Variants in EBLN2 observed in about 807,000 individuals in gnomAD.
The protein encoded by EBLN2 is endogenous Bornavirus like nucleoprotein 2, also known as endogenous Bornavirus-like nucleoprotein 2.
For synonymous variants in EBLN2, 131 were observed against 113.6 expected (o/e 1.15, Z -0.97); for missense variants, 397 against 324.2 (o/e 1.22, Z -1.72).
In EBLN2 at chr3:73,063,206, C is replaced by T; in HGVS notation, c.*306C>T. On this transcript the variant is annotated 3_prime_UTR_variant, in exon 1 of 1. Transcript: ENST00000533473. ...GCTCCTGATGTTATACCAGGATCAACCATCACACTCCCTTTGCTTCAAATG... is the reference window on the plus strand; with the variant it reads ...GCTCCTGATGTTATACCAGGATCAATCATCACACTCCCTTTGCTTCAAATG... 7.9e-6 allele frequency: 3 copies of T among 379,490 alleles called. No homozygotes were observed. Among genetic ancestry groups the T allele is most frequent in the South Asian group, 6.0e-5 (2 of 33,230 alleles). The allele number at this position is 379,490 out of a possible 1,614,324, so 23.5% of individuals were successfully genotyped here. A position where few individuals can be genotyped will look rare whatever the true frequency, so the allele number is the denominator to read the frequency against.
At position 73,063,185 on chromosome 3, in the gene EBLN2, C is replaced by T. The variant is rs1702907120; in HGVS notation, c.*285C>T. 1 of 428,330 alleles carries T rather than the reference C, an allele frequency of 2.3e-6. No homozygotes were observed. Among genetic ancestry groups the T allele is most frequent in the African/African-American group, 2.1e-5 (1 of 47,732 alleles). 26.5% of individuals were successfully genotyped at this position (428,330 alleles called of 1,614,324 possible). On this transcript the variant is annotated 3_prime_UTR_variant, in exon 1 of 1. Coordinates refer to ENST00000533473, the MANE Select transcript of EBLN2 (RefSeq NM_018029.4). ...CCCACATTTTTGGGATTTAAAGCTC[C>T]TGATGTTATACCAGGATCAACCATC...
Position 73,062,558 on chromosome 3 carries a change from A to G in EBLN2, c.477A>G (p.Glu159=). The stretch of plus-strand genomic sequence containing the variant: ...CTGTGGTTGGGAATGAGAACGAGGA[A>G]AGGGGTACTCCTTATGCTAGCAGAT... ...SNTVVGNENE[E]RGTPYASRFK... is the part of the protein sequence containing the mutation. Residue 159 remains glutamate, a synonymous_variant, in exon 1 of 1, where the codon GAA becomes GAG. Coordinates refer to ENST00000533473, the MANE Select transcript of EBLN2 (RefSeq NM_018029.4). The G allele has an allele frequency of 6.2e-7, 1 of 1,613,972 alleles. No homozygotes were observed. The highest frequency in any genetic ancestry group is 1.1e-5 in the South Asian group (1 of 91,080).
At position 73,063,111 on chromosome 3, in the gene EBLN2, G is replaced by A; in HGVS notation, c.*211G>A. On this transcript the variant is annotated 3_prime_UTR_variant, in exon 1 of 1. Transcript: ENST00000533473. The stretch of plus-strand genomic sequence containing the variant: ...TTATTGGGGAGCTGTCACCACGAAT[G>A]TTCCCAAACTTAGCAACAGCGGCAA... 1 of 554,060 alleles carries A rather than the reference G, an allele frequency of 1.8e-6. No homozygotes were observed. Among genetic ancestry groups the A allele is most frequent in the Non-Finnish European group, 3.2e-6 (1 of 310,520 alleles). 34.3% of individuals were successfully genotyped at this position (554,060 alleles called of 1,614,324 possible).
Position 73,062,776 on chromosome 3 carries a change from T to A in EBLN2, c.695T>A (p.Ile232Asn). Residue 232 changes from isoleucine to asparagine, a missense_variant, in exon 1 of 1, where the codon ATC (isoleucine) becomes AAC (asparagine). Transcript: ENST00000533473. ...LSHGESADLL[I>N]SCNAESAIGW... is the part of the protein sequence containing the mutation. ...CATGGTGAGAGTGCTGATCTGCTAA[T>A]CAGCTGCAATGCAGAATCAGCCATA... The A allele has an allele frequency of 6.2e-7, 1 of 1,613,934 alleles. No individual in the cohort carries two copies. The highest frequency in any genetic ancestry group is 8.5e-7 in the Non-Finnish European group (1 of 1,179,866).
Position 73,062,086 on chromosome 3 carries a change from G to A in EBLN2, c.5G>A (p.Gly2Asp), listed in dbSNP as rs1702872047. 6.5e-7 allele frequency: 1 copy of A among 1,537,176 alleles called. No individual in the cohort carries two copies. Among genetic ancestry groups the A allele is most frequent in the East Asian group, 2.4e-5 (1 of 40,916 alleles). The part of the protein sequence containing the change: M[G>D]YFLKLYAYVN... Reference sequence around the variant, plus strand: ...GTCAAGTCATAGCGACTAATAATGGGTTATTTTCTTAAATTGTATGCTTAT... The same window carrying A: ...GTCAAGTCATAGCGACTAATAATGGATTATTTTCTTAAATTGTATGCTTAT... Residue 2 changes from glycine to aspartate, a missense_variant, in exon 1 of 1, where the codon GGT becomes GAT. Physicochemically the swap from Gly to Asp is moderately conservative, Grantham distance 94. Coordinates refer to ENST00000533473, the MANE Select transcript of EBLN2 (RefSeq NM_018029.4).
chr3:73,062,579 C>G lies in EBLN2; in HGVS notation c.498C>G (p.Ser166Arg), dbSNP rs775650243. Residue 166 changes from serine (S) to arginine (R), a missense_variant, in exon 1 of 1, where the codon AGC becomes AGG. By Grantham distance (110) the Ser-to-Arg change is moderately radical. Transcript: ENST00000533473. Reference sequence around the variant, plus strand: ...AGGAAAGGGGTACTCCTTATGCTAGCAGATTCAAAGATATGCCTAACTTTA... The same window carrying G: ...AGGAAAGGGGTACTCCTTATGCTAGGAGATTCAAAGATATGCCTAACTTTA... ...ENEERGTPYA[S>R]RFKDMPNFIA... 3 of 1,613,984 alleles carry G rather than the reference C, an allele frequency of 1.9e-6. No homozygotes were observed. In the East Asian group the frequency reaches 6.7e-5, roughly 36 times the overall value.
rs1437910070 is a variant in EBLN2, at chr3:73,062,445, G to C, written c.364G>C (p.Val122Leu). Residue 122 changes from valine (V) to leucine (L), a missense_variant, in exon 1 of 1, where the codon GTG becomes CTG. Physicochemically the swap from Val to Leu is conservative, Grantham distance 32 (BLOSUM62 1). Coordinates refer to ENST00000533473, the MANE Select transcript of EBLN2 (RefSeq NM_018029.4). ...DPAHKSHFHP[V>L]TPSLVFLCFI... ...AGCACATAAATCTCATTTCCACCCT[G>C]TGACCCCAAGTTTAGTATTCTTGTG... The C allele has an allele frequency of 6.2e-7, 1 of 1,611,992 alleles. No homozygotes were observed. The highest frequency in any genetic ancestry group is 1.3e-5 in the African/African-American group (1 of 74,980).
In EBLN2 at chr3:73,062,157, A is replaced by G. The variant is rs1702873873; in HGVS notation, c.76A>G (p.Lys26Glu). ...LFVWVCDRSY[K>E]RSFRPMILNK... Reference sequence around the variant, plus strand: ...TGTTTGGGTCTGTGACAGATCTTACAAAAGATCTTTTAGACCTATGATTCT... The same window carrying G: ...TGTTTGGGTCTGTGACAGATCTTACGAAAGATCTTTTAGACCTATGATTCT... The change falls in exon 1 of 1, where the codon AAA (lysine) becomes GAA (glutamate). Residue 26 changes from lysine to glutamate, a missense_variant. By Grantham distance (56) the Lys-to-Glu change is moderately conservative. Coordinates refer to ENST00000533473, the MANE Select transcript of EBLN2 (RefSeq NM_018029.4). 1 of 1,549,042 alleles carries G rather than the reference A, an allele frequency of 6.5e-7. No homozygotes were observed. The highest frequency in any genetic ancestry group is 8.7e-7 in the Non-Finnish European group (1 of 1,149,436).
Position 73,062,575 on chromosome 3 carries a change from C to T in EBLN2, c.494C>T (p.Ala165Val). 1 of 1,614,012 alleles carries T rather than the reference C, an allele frequency of 6.2e-7. No individual in the cohort carries two copies. Among genetic ancestry groups the T allele is most frequent in the African/African-American group, 1.3e-5 (1 of 75,062 alleles). ...NENEERGTPY[A>V]SRFKDMPNFI... ...AACGAGGAAAGGGGTACTCCTTATG[C>T]TAGCAGATTCAAAGATATGCCTAAC... is the stretch of plus-strand genomic sequence containing the variant. Residue 165 changes from alanine (A) to valine (V), a missense_variant, in exon 1 of 1, where the codon GCT becomes GTT. By Grantham distance (64) the Ala-to-Val change is moderately conservative. Coordinates refer to ENST00000533473, the MANE Select transcript of EBLN2 (RefSeq NM_018029.4).
Position 73,062,206 on chromosome 3 carries a change from G to A in EBLN2, c.125G>A (p.Arg42Gln), listed in dbSNP as rs759029057. The change falls in exon 1 of 1, where the codon CGG becomes CAG. Residue 42 changes from arginine (R) to glutamine (Q), a missense_variant. By Grantham distance (43) the Arg-to-Gln change is conservative. Coordinates refer to ENST00000533473, the MANE Select transcript of EBLN2 (RefSeq NM_018029.4). ...MILNKIKELS[R>Q]NQFSTMSHLR... is the part of the protein sequence containing the mutation. ...CTTAACAAAATTAAAGAATTAAGTC[G>A]GAACCAATTTTCCACAATGTCTCAT... 34 of 1,583,724 alleles carry A rather than the reference G, an allele frequency of 2.1e-5. No homozygotes were observed. The highest frequency in any genetic ancestry group is 5.8e-5 in the South Asian group (5 of 85,620).
rs999855360 is a variant in EBLN2 at position 73,063,224 on chromosome 3, T to A, written c.*324T>A. On this transcript the variant is annotated 3_prime_UTR_variant, in exon 1 of 1. Transcript: ENST00000533473. ...GGATCAACCATCACACTCCCTTTGC[T>A]TCAAATGGCATCTACCCCGTAAGAT... 2.8e-6 allele frequency: 1 copy of A among 356,260 alleles called. No homozygotes were observed. Among genetic ancestry groups the A allele is most frequent in the African/African-American group, 2.2e-5 (1 of 44,894 alleles). The allele number at this position is 356,260 out of a possible 1,614,324, so 22.1% of individuals were successfully genotyped here.
At position 73,062,659 on chromosome 3, in the gene EBLN2, T is replaced by C. The variant is rs372516989; in HGVS notation, c.578T>C (p.Ile193Thr). The change falls in exon 1 of 1, where the codon ATT becomes ACT. Residue 193 changes from isoleucine to threonine, a missense_variant. Physicochemically the swap from Ile to Thr is moderately conservative, Grantham distance 89 (BLOSUM62 -1). Coordinates refer to ENST00000533473, the MANE Select transcript of EBLN2 (RefSeq NM_018029.4). ...CACTGCTGTGACCTTTTGATAGGCA[T>C]TGCGGCTGGATCAAGTGATAAGATT... ...LRHCCDLLIG[I>T]AAGSSDKICT... The C allele has an allele frequency of 1.9e-6, 3 of 1,613,840 alleles. No individual in the cohort carries two copies. The highest frequency in any genetic ancestry group is 1.3e-5 in the African/African-American group (1 of 74,924).
At position 73,062,660 on chromosome 3, in the gene EBLN2, T is replaced by G. The variant is rs762161657; in HGVS notation, c.579T>G (p.Ile193Met). The G allele has an allele frequency of 1.9e-6, 3 of 1,613,962 alleles. No homozygotes were observed. In the South Asian group the frequency reaches 3.3e-5, roughly 18 times the overall value. ...ACTGCTGTGACCTTTTGATAGGCAT[T>G]GCGGCTGGATCAAGTGATAAGATTT... ...LRHCCDLLIG[I>M]AAGSSDKICT... Residue 193 changes from isoleucine to methionine, a missense_variant, in exon 1 of 1, where the codon ATT becomes ATG. Coordinates refer to ENST00000533473, the MANE Select transcript of EBLN2 (RefSeq NM_018029.4).
rs985313010 is a variant in EBLN2 at position 73,063,040 on chromosome 3, G to A, written c.*140G>A. The A allele has an allele frequency of 2.4e-6, 2 of 820,384 alleles. No homozygotes were observed. The highest frequency in any genetic ancestry group is 3.9e-6 in the Non-Finnish European group (2 of 512,480). 50.8% of individuals were successfully genotyped at this position (820,384 alleles called of 1,614,324 possible). Reference sequence around the variant, plus strand: ...GAGAAAAAAAACAATGGTTAAAAAGGCATTGGGGAAATATTTTGAGTTTGG... The same window carrying A: ...GAGAAAAAAAACAATGGTTAAAAAGACATTGGGGAAATATTTTGAGTTTGG... On this transcript the variant is annotated 3_prime_UTR_variant, in exon 1 of 1. Transcript: ENST00000533473.
rs1231127651 is a variant in EBLN2 at position 73,062,914 on chromosome 3, A to G, written c.*14A>G. On this transcript the variant is annotated 3_prime_UTR_variant, in exon 1 of 1. Transcript: ENST00000533473. ...AAGTCAAGTTAGTTGCCAAGAAAGC[A>G]CAGATGACAACCTATTAATGCTGTG... 2 of 1,599,380 alleles carry G rather than the reference A, an allele frequency of 1.3e-6. No homozygotes were observed. The highest frequency in any genetic ancestry group is 2.7e-5 in the African/African-American group (2 of 74,296).
Position 73,063,259 on chromosome 3 carries a change from G to A in EBLN2, c.*359G>A. On this transcript the variant is annotated 3_prime_UTR_variant, in exon 1 of 1. Transcript: ENST00000533473. ...ATCTACCCCGTAAGATCTTGAGGGG[G>A]GAGTGTTGGGTGGAATCATAGATCC... 1 of 293,792 alleles carries A rather than the reference G, an allele frequency of 3.4e-6. No individual in the cohort carries two copies. 18.2% of individuals were successfully genotyped at this position (293,792 alleles called of 1,614,324 possible). A position where few individuals can be genotyped will look rare whatever the true frequency, so the allele number is the denominator to read the frequency against.
rs1702909992 is a variant in EBLN2 at position 73,063,267 on chromosome 3, G to C, written c.*367G>C. On this transcript the variant is annotated 3_prime_UTR_variant, in exon 1 of 1. Transcript: ENST00000533473. ...CGTAAGATCTTGAGGGGGGAGTGTTGGGTGGAATCATAGATCCATGCACTC... is the reference window on the plus strand; with the variant it reads ...CGTAAGATCTTGAGGGGGGAGTGTTCGGTGGAATCATAGATCCATGCACTC... 1 of 283,202 alleles carries C rather than the reference G, an allele frequency of 3.5e-6. No homozygotes were observed. Among genetic ancestry groups the C allele is most frequent in the Non-Finnish European group, 6.9e-6 (1 of 144,000 alleles). The allele number at this position is 283,202 out of a possible 1,614,324, so 17.5% of individuals were successfully genotyped here.
At position 73,062,490 on chromosome 3, in the gene EBLN2, C is replaced by T. The variant is rs545358242; in HGVS notation, c.409C>T (p.His137Tyr). The change falls in exon 1 of 1, where the codon CAC (histidine) becomes TAC (tyrosine). Residue 137 changes from histidine (H) to tyrosine (Y), a missense_variant. By Grantham distance (83) the His-to-Tyr change is moderately conservative. Transcript: ENST00000533473. ...VFLCFIFDGLHQALLSVGVSK... is the reference protein window; with the variant it reads ...VFLCFIFDGLYQALLSVGVSK... ...CTTGTGTTTCATATTTGATGGGTTA[C>T]ACCAGGCATTACTGAGTGTTGGTGT... 3.2e-5 allele frequency: 51 copies of T among 1,613,464 alleles called. No homozygotes were observed. In the South Asian group the frequency reaches 5.2e-4, roughly 16 times the overall value.
chr3:73,062,433 C>T lies in EBLN2; in HGVS notation c.352C>T (p.His118Tyr). The T allele has an allele frequency of 6.2e-7, 1 of 1,611,548 alleles. No homozygotes were observed. The highest frequency in any genetic ancestry group is 8.5e-7 in the Non-Finnish European group (1 of 1,178,968). ...KSMLDPAHKS[H>Y]FHPVTPSLVF... Reference sequence around the variant, plus strand: ...TATGCTAGACCCAGCACATAAATCTCATTTCCACCCTGTGACCCCAAGTTT... The same window carrying T: ...TATGCTAGACCCAGCACATAAATCTTATTTCCACCCTGTGACCCCAAGTTT... Residue 118 changes from histidine to tyrosine, a missense_variant, in exon 1 of 1, where the codon CAT (histidine) becomes TAT (tyrosine). His to Tyr is a moderately conservative substitution (Grantham distance 83). Coordinates refer to ENST00000533473, the MANE Select transcript of EBLN2 (RefSeq NM_018029.4).
Sources: gnomAD v4.1 joint callset for allele counts on GRCh38, gnomAD v4.1.1 for gene constraint, MANE v1.5 for transcripts, NCBI Gene and HGNC (gene_info 2026-07-23, HGNC 2026-07-21) for gene names.